GLIS3: variants seen among roughly 807,000 people sequenced by gnomAD.
The protein encoded by GLIS3 is GLIS family zinc finger 3.
GLIS3 carries 53 observed loss-of-function variants against 78.6 expected under a neutral mutation model. That is an observed-to-expected ratio of 0.67 (90% confidence interval 0.54 to 0.85). The LOEUF (loss-of-function observed/expected upper bound fraction) is 0.85. GLIS3 is among the 40% of genes least tolerant of loss of function. The pLI is 0.00. For synonymous variants in GLIS3, 684 were observed against 509.9 expected (o/e 1.34, Z -4.60); for missense variants, 1,703 against 1,231.1 (o/e 1.38, Z -5.74).
the GLIS3 span, among the ~76,000 whole-genome samples, chr9:4,474,708 T>G: frequency 6.6e-6 from 1 of 151,214 alleles, no homozygotes; most frequent in Admixed American, 6.6e-5. Context: ...TTTTTTTTTT[T>G]TTTTTTGAGA....
intron 2 of GLIS3, among the ~76,000 whole-genome samples, chr9:4,129,402 C>G (rs1832796811): frequency 1.3e-5 from 2 of 152,086 alleles, no homozygotes; most frequent in Admixed American, 6.5e-5. Context: ...CTGTAATGAC[C>G]AGTTTTGGAG....
At chr9:4,386,236 T>C in the GLIS3 span, among the ~76,000 whole-genome samples, 4 of 152,222 alleles carry the variant, frequency 2.6e-5, no homozygotes, top group Admixed American at 6.5e-5. Flanking sequence ...TAAGCTATAT[T>C]ACAGTTATCT....
intron 2 of GLIS3, among the ~76,000 whole-genome samples, chr9:4,143,354 G>A (rs146946102): frequency 0.042 from 6,451 of 151,972 alleles, 454 homozygotes; most frequent in African/African-American, 0.15. Context: ...ATCACCCGAG[G>A]TCAGGAGTTC....
At chr9:4,046,761 A>G (rs1482081285) in intron 4 of GLIS3, among the ~76,000 whole-genome samples, 1 of 152,200 alleles carries the variant, frequency 6.6e-6, no homozygotes, top group Non-Finnish European at 1.5e-5. Context: ...TTATATGAAG[A>G]ATGGCTGAAT....
intron 2 of GLIS3, among the ~76,000 whole-genome samples, chr9:4,342,570 C>T (rs2130587152): frequency 6.6e-6 from 1 of 152,278 alleles, no homozygotes; most frequent in East Asian, 1.9e-4. Context: ...ATTGCTGTGG[C>T]TATTTCAGCT....
intron 4 of GLIS3, among the ~76,000 whole-genome samples, chr9:4,018,105 C>T (rs1171335727): frequency 6.6e-6 from 1 of 152,166 alleles, no homozygotes; most frequent in Non-Finnish European, 1.5e-5. Flanking sequence ...AGACAAAACT[C>T]TTCCGATAAA....
intron 4 of GLIS3, among the ~76,000 whole-genome samples, chr9:4,032,465 A>G (rs1823923982): frequency 6.6e-6 from 1 of 152,072 alleles, no homozygotes. Context: ...ATATTTTTAT[A>G]TATTTTTAAA....
chr9:3,983,896 G>A (rs1294645347), intron 4 of GLIS3, among the ~76,000 whole-genome samples: 1 of 152,238 alleles, frequency 6.6e-6, no homozygotes, highest in Non-Finnish European at 1.5e-5. Context: ...CATTTTCTAA[G>A]GAGAAATTCA....
At chr9:4,410,311 T>G in the GLIS3 span, among the ~76,000 whole-genome samples, 1 of 152,124 alleles carries the variant, frequency 6.6e-6, no homozygotes, top group African/African-American at 2.4e-5. Flanking sequence ...GGTTTGCATA[T>G]TAAGAAAAAG....
chr9:3,891,220 A>G (rs1021092672), intron 7 of GLIS3, among the ~76,000 whole-genome samples: 15 of 152,218 alleles, frequency 9.9e-5, no homozygotes, highest in African/African-American at 3.4e-4. Context: ...AGTTACAACT[A>G]TTAGGTGCTG....
At chr9:3,947,826 G>A (rs1217303872) in intron 4 of GLIS3, among the ~76,000 whole-genome samples, 2 of 152,260 alleles carry the variant, frequency 1.3e-5, no homozygotes, top group African/African-American at 2.4e-5. Flanking sequence ...CCACCACTGC[G>A]ACAAGACAGG....
chr9:4,053,293 T>C (rs372087928), intron 4 of GLIS3, among the ~76,000 whole-genome samples: 8 of 152,260 alleles, frequency 5.3e-5, no homozygotes, highest in East Asian at 3.9e-4. Context: ...TGAGGGGCCA[T>C]TGTGGGATCA....
intron 2 of GLIS3, among the ~76,000 whole-genome samples, chr9:4,230,038 A>C (rs1308917582): frequency 6.6e-6 from 1 of 152,196 alleles, no homozygotes; most frequent in Non-Finnish European, 1.5e-5. Flanking sequence ...ACAGCAATAA[A>C]ATAGTTCCTT....
At chr9:4,269,240 C>G (rs1385141865) in intron 2 of GLIS3, among the ~76,000 whole-genome samples, 1 of 152,144 alleles carries the variant, frequency 6.6e-6, no homozygotes, top group East Asian at 1.9e-4. Context: ...ACCTTCTTTG[C>G]TCAGCCTGTC....
At chr9:4,407,717 T>C in the GLIS3 span, among the ~76,000 whole-genome samples, 1 of 152,092 alleles carries the variant, frequency 6.6e-6, no homozygotes, top group Non-Finnish European at 1.5e-5. Flanking sequence ...GGCAAGAATT[T>C]ATCGAGTAAT....
At chr9:4,251,815 C>G (rs920739082) in intron 2 of GLIS3, among the ~76,000 whole-genome samples, 5 of 152,174 alleles carry the variant, frequency 3.3e-5, no homozygotes, top group African/African-American at 9.7e-5. Flanking sequence ...GACAAAATCT[C>G]TAAGCATTTG....
chr9:4,194,784 G>A (rs188881411), intron 2 of GLIS3, among the ~76,000 whole-genome samples: 1 of 152,314 alleles, frequency 6.6e-6, no homozygotes, highest in East Asian at 1.9e-4. Flanking sequence ...CCCTGGCCAA[G>A]GGAGAGTACT....
chr9:3,958,062 A>G (rs1407108670), intron 4 of GLIS3, among the ~76,000 whole-genome samples: 1 of 152,172 alleles, frequency 6.6e-6, no homozygotes, highest in East Asian at 1.9e-4. Context: ...CGGTAATCCT[A>G]ACCCATGACT....
intron 4 of GLIS3, among the ~76,000 whole-genome samples, chr9:4,045,956 A>T (rs1825216249): frequency 6.6e-6 from 1 of 151,988 alleles, no homozygotes; most frequent in Admixed American, 6.6e-5. Flanking sequence ...ATCGGGGGGG[A>T]AATCATAAAT....
Sources: gnomAD v4.1 joint callset for allele counts (sites outside exome capture counted in the v4.1 genomes callset) on GRCh38, gnomAD v4.1.1 for gene constraint, MANE v1.5 for transcripts, NCBI Gene and HGNC (gene_info 2026-07-23, HGNC 2026-07-21) for gene names.